The following SMIM17 variants were observed in gnomAD, a reference collection of about 807,000 sequenced individuals.
The protein encoded by SMIM17 is small integral membrane protein 17.
SMIM17 carries 10 observed loss-of-function variants against 12.2 expected under a neutral mutation model. The observed-to-expected ratio is 0.82, with a 90% CI of 0.50 to 1.39. The LOEUF is 1.39. Among genes scored for constraint, SMIM17 ranks in the 40% most tolerant of loss-of-function variants. The probability of loss-of-function intolerance (pLI) is 0.00; values close to 1 mark genes in which losing one functional copy is unlikely to be tolerated. For synonymous variants in SMIM17, 50 were observed against 44.1 expected, an observed-to-expected ratio of 1.13 and a Z score of -0.53; for missense variants, 136 against 118.2, an observed-to-expected ratio of 1.15 and a Z score of -0.70.
At chr19:56,647,750 T>C in intron 3 of SMIM17, 116 bp downstream of exon 3, 1 of 837,880 alleles carries the variant, frequency 1.2e-6, no homozygotes, top group Non-Finnish European at 1.9e-6. Flanking sequence ...TCTCAAGAGA[T>C]CTCTTGTGTC....
At chr19:56,646,266 T>C (rs1331384298) in intron 2 of SMIM17, among the ~76,000 whole-genome samples, 1 of 152,160 alleles carries the variant, frequency 6.6e-6, no homozygotes, top group African/African-American at 2.4e-5. Context: ...TTCTCAGGGA[T>C]GGCAAGAGAG....
At chr19:56,652,662 GA>G (rs138292961) in intron 3 of SMIM17, among the ~76,000 whole-genome samples, 4 of 145,362 alleles carry the variant, frequency 2.8e-5, no homozygotes, top group Admixed American at 6.7e-5. Flanking sequence ...TCAAAAAAAA[GA>G]AAAAAAAAAG....
chr19:56,655,042 C>A, intron 3 of SMIM17, 61 bp from the exon 4 acceptor site: 1 of 591,958 alleles, frequency 1.7e-6, no homozygotes, highest in South Asian at 2.1e-5. Context: ...TATTTTCCTG[C>A]AAGTAACAAT....
At chr19:56,647,995 T>A (rs1395106272) in intron 3 of SMIM17, among the ~76,000 whole-genome samples, 1 of 151,706 alleles carries the variant, frequency 6.6e-6, no homozygotes, top group Non-Finnish European at 1.5e-5. Context: ...CATTCACTCA[T>A]CTGTCCACTC....
chr19:56,652,773 A>G (rs558846225), intron 3 of SMIM17, among the ~76,000 whole-genome samples: 5 of 152,254 alleles, frequency 3.3e-5, no homozygotes, highest in African/African-American at 1.2e-4. Flanking sequence ...AGGGCGAATT[A>G]ACCTCCTGGG....
At chr19:56,648,429 A>G (rs2045085042) in intron 3 of SMIM17, among the ~76,000 whole-genome samples, 1 of 151,448 alleles carries the variant, frequency 6.6e-6, no homozygotes, top group South Asian at 2.1e-4. Context: ...ATCCATCCAT[A>G]TATCCAGTTA....
chr19:56,645,781 C>T lies in SMIM17; in HGVS notation c.114C>T (p.Thr38=), dbSNP rs530533396. The change falls in exon 2 of 4, where the codon ACC becomes ACT. Residue 38 remains threonine, a synonymous_variant. Coordinates refer to ENST00000598409, the MANE Select transcript of SMIM17 (RefSeq NM_001193628.2). The stretch of plus-strand genomic sequence containing the variant: ...AGAAGCCTCCTCATCCCGCCTGCAC[C>T]AAAGACTGGGAGGCTGTGGAGGTTG... ...AWEKPPHPAC[T]KDWEAVEVGA... The T allele has an allele frequency of 1.2e-5, 18 of 1,535,936 alleles. No homozygotes were observed. In the East Asian group the frequency reaches 4.4e-4, roughly 38 times the overall value.
intron 3 of SMIM17, among the ~76,000 whole-genome samples, chr19:56,648,874 G>C (rs542122877): frequency 1.3e-5 from 2 of 152,274 alleles, no homozygotes; most frequent in East Asian, 3.9e-4. Context: ...TCTCATACAT[G>C]AGAAAAATCA....
intron 3 of SMIM17, 130 bp downstream of exon 3, chr19:56,647,764 TC>T: frequency 1.3e-6 from 1 of 760,150 alleles, no homozygotes; most frequent in East Asian, 2.7e-5. Context: ...TTGTGTCTGA[TC>T]TCTATGGTGA....
intron 3 of SMIM17, among the ~76,000 whole-genome samples, chr19:56,648,424 T>C (rs933194885): frequency 7.2e-5 from 11 of 152,068 alleles, no homozygotes; most frequent in African/African-American, 2.7e-4. Context: ...CATTCATCCA[T>C]CCATATATCC....
At chr19:56,652,947 C>CT (rs2045121023) in intron 3 of SMIM17, among the ~76,000 whole-genome samples, 1 of 152,150 alleles carries the variant, frequency 6.6e-6, no homozygotes, top group Admixed American at 6.5e-5. Context: ...GGTGAGGCAT[C>CT]CATGGGTCTA....
In SMIM17 at chr19:56,650,372, C is replaced by T. The variant is rs957885516; in HGVS notation, c.246+2738C>T. Among the ~76,000 whole-genome samples the T allele has an allele frequency of 3.3e-4, 50 of 152,098 alleles. 1 individual carries two copies. Among genetic ancestry groups the T allele is most frequent in the Non-Finnish European group, 6.9e-4 (47 of 68,024 alleles). ...TATTTTTAGTAGAAATGGGGTTTCA[C>T]CATGTTGGCCAAGATGGTCTTGATC... On this transcript the variant is annotated intron_variant, in intron 3 of 3. Coordinates refer to ENST00000598409, the MANE Select transcript of SMIM17 (RefSeq NM_001193628.2).
rs1600615506 is a variant in SMIM17 at position 56,645,587 on chromosome 19, G to C, written c.-81G>C. 1 of 1,321,598 alleles carries C rather than the reference G, an allele frequency of 7.6e-7. No individual in the cohort carries two copies. Among genetic ancestry groups the C allele is most frequent in the South Asian group, 1.6e-5 (1 of 61,498 alleles). 81.9% of individuals were successfully genotyped at this position (1,321,598 alleles called of 1,614,324 possible). A position where few individuals can be genotyped will look rare whatever the true frequency, so the allele number is the denominator to read the frequency against. ...CATCAGTCCTCAGGTTCTGAATCTT[G>C]TGCCTGGAGAACCAGAGAGGACCCT... On this transcript the variant is annotated 5_prime_UTR_variant, in exon 2 of 4. Transcript: ENST00000598409.
Position 56,655,986 on chromosome 19 carries a change from C to T in SMIM17, c.*773C>T, listed in dbSNP as rs2045148138. ...TTTTTTTTTGAGACCGAGTCTCACT[C>T]TGTCACCCAGTCTGGAGTGCAGTGG... On this transcript the variant is annotated 3_prime_UTR_variant, in exon 4 of 4. Coordinates refer to ENST00000598409, the MANE Select transcript of SMIM17 (RefSeq NM_001193628.2). 7.0e-6 allele frequency among the ~76,000 whole-genome samples: 1 copy of T among 142,960 alleles called. No individual in the cohort carries two copies. The highest frequency in any genetic ancestry group is 2.6e-5 in the African/African-American group (1 of 38,816). 93.8% of individuals were successfully genotyped at this position (142,960 alleles called of 152,430 possible). A position where few individuals can be genotyped will look rare whatever the true frequency, so the allele number is the denominator to read the frequency against.
rs1353878146 is a variant in SMIM17 at position 56,647,610 on chromosome 19, A to G, written c.222A>G (p.Glu74=). 1 of 1,534,018 alleles carries G rather than the reference A, an allele frequency of 6.5e-7. No homozygotes were observed. The highest frequency in any genetic ancestry group is 2.5e-5 in the East Asian group (1 of 40,770). Residue 74 remains glutamate (E), a synonymous_variant, in exon 3 of 4, where the codon GAA becomes GAG. Coordinates refer to ENST00000598409, the MANE Select transcript of SMIM17 (RefSeq NM_001193628.2). ...GLSQEWSSVE[E]DDESEGSQGF... ...CCCAGGAGTGGAGCTCGGTGGAGGA[A>G]GATGACGAATCAGAGGGCTCCCAGG... is the stretch of plus-strand genomic sequence containing the variant.
chr19:56,647,449 G>T (rs1410815358), intron 2 of SMIM17, 109 bp from the exon 3 acceptor site: 2 of 660,006 alleles, frequency 3.0e-6, no homozygotes, highest in Non-Finnish European at 5.0e-6. Context: ...GAGAGAGAGA[G>T]AGGAGGCTAT....
chr19:56,652,671 A>AAAG (rs1555778634), intron 3 of SMIM17, among the ~76,000 whole-genome samples: 161 of 150,378 alleles, frequency 1.1e-3, no homozygotes, highest in African/African-American at 3.1e-3. Flanking sequence ...AGAAAAAAAA[A>AAAG]AGAGAGAGAG....
rs571914093 is a variant in SMIM17, at chr19:56,655,233, T to C, written c.*20T>C. The C allele has an allele frequency of 2.9e-6, 2 of 697,280 alleles. No individual in the cohort carries two copies. The highest frequency in any genetic ancestry group is 3.5e-5 in the African/African-American group (2 of 57,264). 43.2% of individuals were successfully genotyped at this position (697,280 alleles called of 1,614,324 possible). On this transcript the variant is annotated 3_prime_UTR_variant, in exon 4 of 4. Transcript: ENST00000598409. ...ATTTAACTATAATGGTGGCTGTTGTTTTAAAAGTTTAATTTAATGAAATAG... is the reference window on the plus strand; with the variant it reads ...ATTTAACTATAATGGTGGCTGTTGTCTTAAAAGTTTAATTTAATGAAATAG...
In SMIM17 at chr19:56,655,087, C is replaced by CT; in HGVS notation, c.247-10dup. ...TTCCTTTCCAATATTTATCCTTTTCCTTTTTTCTGTTTCAGGGCTTTGTGG... is the reference window on the plus strand; with the variant it reads ...TTCCTTTCCAATATTTATCCTTTTCCTTTTTTTCTGTTTCAGGGCTTTGTGG... On this transcript the variant is annotated splice_polypyrimidine_tract_variant and intron_variant, in intron 3 of 3. Transcript: ENST00000598409. 1.5e-6 allele frequency: 1 copy of CT among 668,914 alleles called. No individual in the cohort carries two copies. Among genetic ancestry groups the CT allele is most frequent in the Non-Finnish European group, 2.7e-6 (1 of 364,870 alleles). The allele number at this position is 668,914 out of a possible 1,614,324, so 41.4% of individuals were successfully genotyped here. A position where few individuals can be genotyped will look rare whatever the true frequency, so the allele number is the denominator to read the frequency against.
Sources: allele counts gnomAD v4.1 joint callset (sites outside exome capture counted in the v4.1 genomes callset), GRCh38; gene constraint gnomAD v4.1.1; transcripts MANE v1.5; gene names NCBI Gene and HGNC (gene_info 2026-07-23, HGNC 2026-07-21).